The following C2CD2 variants were observed in gnomAD, a reference collection of about 807,000 sequenced individuals.
C2CD2 encodes the protein C2 domain-containing protein 2.
Under a neutral mutation model 74.3 loss-of-function variants are expected in C2CD2, and 43 were observed. That is an observed-to-expected ratio of 0.58 (90% confidence interval 0.45 to 0.75). The LOEUF (loss-of-function observed/expected upper bound fraction) is 0.75, where lower values mean the gene tolerates loss of function less well. C2CD2 is among the 30% of genes least tolerant of loss of function. C2CD2 has a pLI of 0.00. For missense variants in C2CD2, 801 were observed against 916.3 expected, an observed-to-expected ratio of 0.87 and a Z score of 1.63; for synonymous variants, 422 against 390.7, an observed-to-expected ratio of 1.08 and a Z score of -0.94.
rs765770637 is a variant in C2CD2 at position 41,905,785 on chromosome 21, A to T, written c.1371T>A (p.Ser457=). ...IKVKVIEKDI[S]VQAIACRSAP... Reference sequence around the variant, plus strand: ...CGCTGCGGCAGGCGATGGCCTGGACAGAGATGTCCTTCTCGATCACCTTCA... The same window carrying T: ...CGCTGCGGCAGGCGATGGCCTGGACTGAGATGTCCTTCTCGATCACCTTCA... Residue 457 remains serine, a synonymous_variant, in exon 11 of 14, where the codon TCT becomes TCA. Transcript: ENST00000380486. 3.1e-6 allele frequency: 5 copies of T among 1,612,258 alleles called. No individual in the cohort carries two copies. Among genetic ancestry groups the T allele is most frequent in the Admixed American group, 3.3e-5 (2 of 60,002 alleles).
At chr21:41,891,012 ACTCT>A (rs1046175926) in intron 13 of C2CD2, among the ~76,000 whole-genome samples, 12 of 152,074 alleles carry the variant, frequency 7.9e-5, no homozygotes, top group African/African-American at 2.4e-4. Flanking sequence ...TAAAAACTTG[ACTCT>A]CTCAACACAA....
rs1189068565 is a variant in C2CD2, at chr21:41,924,789, T to C, written c.379-2704A>G. ...GCCTTCTCTACTAAGCTAATCAGCA[T>C]TGTACCAAGAAAACAGACTCAGAGC... is the stretch of plus-strand genomic sequence containing the variant. On this transcript the variant is annotated intron_variant, in intron 2 of 13. Transcript: ENST00000380486. The surrounding 1 kb of genome is among the most constrained non-coding windows in gnomAD (Gnocchi z 4.4). Among the ~76,000 whole-genome samples, 8 of 152,188 alleles carry C rather than the reference T, an allele frequency of 5.3e-5. No individual in the cohort carries two copies. Among genetic ancestry groups the C allele is most frequent in the African/African-American group, 1.7e-4 (7 of 41,444 alleles).
intron 2 of C2CD2, among the ~76,000 whole-genome samples, chr21:41,936,589 G>A (rs2065308999): frequency 6.6e-6 from 1 of 152,020 alleles, no homozygotes; most frequent in Admixed American, 6.6e-5. Context: ...CCCACTACTG[G>A]GTATACTGTT....
chr21:41,907,628 G>A, intron 9 of C2CD2, 32 bp downstream of exon 9: 2 of 1,599,748 alleles, frequency 1.3e-6, no homozygotes, highest in Non-Finnish European at 1.7e-6. Flanking sequence ...CCCCAAGCCG[G>A]AACCCGGCCG....
intron 1 of C2CD2, among the ~76,000 whole-genome samples, chr21:41,947,139 T>TCTCTCTCTCC (rs1365076208): frequency 4.1e-5 from 5 of 122,286 alleles, no homozygotes; most frequent in Non-Finnish European, 8.7e-5. Flanking sequence ...TCTCTCTCTC[T>TCTCTCTCTCC]CCCTCCCTCC....
At position 41,922,055 on chromosome 21, in the gene C2CD2, TAGCCTGGCCCACCAC is replaced by T; in HGVS notation, c.394_408del (p.Val132_Ala136del). The T allele has an allele frequency of 6.2e-7, 1 of 1,613,680 alleles. No homozygotes were observed. The highest frequency in any genetic ancestry group is 1.7e-5 in the Admixed American group (1 of 60,014). On this transcript the variant is annotated inframe_deletion, in exon 3 of 14. Coordinates refer to ENST00000380486, the MANE Select transcript of C2CD2 (RefSeq NM_015500.2). Reference sequence around the variant, plus strand: ...GGCGTCTCGCTGACCAAGAACTGAATAGCCTGGCCCACCACGTGACAGACCACCACCTGGAGGAGG... The same window carrying T: ...GGCGTCTCGCTGACCAAGAACTGAATGTGACAGACCACCACCTGGAGGAGG...
chr21:41,919,021 C>T lies in C2CD2; in HGVS notation c.493-61G>A, dbSNP rs557354573. 858 of 1,199,914 alleles carry T rather than the reference C, an allele frequency of 7.2e-4. 2 individuals are homozygous for T. The highest frequency in any genetic ancestry group is 8.2e-4 in the Non-Finnish European group (661 of 809,458). The allele number at this position is 1,199,914 out of a possible 1,614,324, so 74.3% of individuals were successfully genotyped here. On this transcript the variant is annotated intron_variant, in intron 3 of 13. Coordinates refer to ENST00000380486, the MANE Select transcript of C2CD2 (RefSeq NM_015500.2). ...CCACCAAAGCCTTAATGTGCACGTGCGTGTGCATGTGACTGTGTGAGCATG... is the reference window on the plus strand; with the variant it reads ...CCACCAAAGCCTTAATGTGCACGTGTGTGTGCATGTGACTGTGTGAGCATG...
chr21:41,943,469 A>G (rs1165481249), intron 1 of C2CD2, among the ~76,000 whole-genome samples: 1 of 152,154 alleles, frequency 6.6e-6, no homozygotes, highest in Non-Finnish European at 1.5e-5. Flanking sequence ...ACAATCCCAG[A>G]TCGAAACTCT....
intron 6 of C2CD2, among the ~76,000 whole-genome samples, chr21:41,914,163 T>C (rs574633444): frequency 9.0e-4 from 136 of 150,602 alleles, no homozygotes; most frequent in Non-Finnish European, 1.6e-3. Context: ...GAGGTGGAGG[T>C]TGTAGTGAGC....
At chr21:41,946,767 G>A (rs988604103) in intron 1 of C2CD2, among the ~76,000 whole-genome samples, 4 of 152,128 alleles carry the variant, frequency 2.6e-5, no homozygotes, top group Non-Finnish European at 5.9e-5. Flanking sequence ...AACAAGACAC[G>A]CTGACATCAC....
In C2CD2 at chr21:41,907,661, T is replaced by A. The variant is rs1304392857; in HGVS notation, c.1142A>T (p.Glu381Val). 6.2e-7 allele frequency: 1 copy of A among 1,611,018 alleles called. No individual in the cohort carries two copies. The highest frequency in any genetic ancestry group is 8.5e-7 in the Non-Finnish European group (1 of 1,179,464). The part of the protein sequence containing the change: ...GSSVLGSVTA[E>V]FSYMEPGELK... ...CCGCGGCGGACAGCCTCGCCCTACC[T>A]CTGCCGTGACCGAGCCCAGCACCGA... Residue 381 changes from glutamate to valine, a missense_variant and splice_region_variant, in exon 9 of 14, where the codon GAG (glutamate) becomes GTG (valine). Physicochemically the swap from Glu to Val is moderately radical, Grantham distance 121. Transcript: ENST00000380486.
chr21:41,943,058 T>C (rs1426884697), intron 1 of C2CD2: 2 of 449,052 alleles, frequency 4.5e-6, no homozygotes, highest in African/African-American at 4.2e-5. Flanking sequence ...CCCAGTACTT[T>C]GGGAGGCCAA....
At chr21:41,902,915 C>A (rs954610424) in intron 11 of C2CD2, among the ~76,000 whole-genome samples, 2 of 152,156 alleles carry the variant, frequency 1.3e-5, no homozygotes, top group African/African-American at 4.8e-5. Flanking sequence ...GTCAGAGGCA[C>A]CAACCCTGTG....
chr21:41,946,285 T>G (rs2065396907), intron 1 of C2CD2, among the ~76,000 whole-genome samples: 1 of 152,192 alleles, frequency 6.6e-6, no homozygotes, highest in South Asian at 2.1e-4. Flanking sequence ...GGTGACATGA[T>G]GTGGATCTGT....
chr21:41,889,400 G>T, intron 13 of C2CD2, 56 bp from the exon 14 acceptor site: 1 of 1,213,774 alleles, frequency 8.2e-7, no homozygotes, highest in Non-Finnish European at 1.2e-6. Flanking sequence ...GGGGCTGAAT[G>T]ACTGGTCCAA....
chr21:41,891,191 C>A (rs182757778), intron 13 of C2CD2, among the ~76,000 whole-genome samples: 1 of 114,396 alleles, frequency 8.7e-6, no homozygotes, highest in Non-Finnish European at 2.0e-5. Context: ...TGTGCAGGAG[C>A]TTCGGAGACT....
chr21:41,942,022 A>G, intron 2 of C2CD2, 125 bp downstream of exon 2: 1 of 1,280,886 alleles, frequency 7.8e-7, no homozygotes, highest in African/African-American at 1.5e-5. Flanking sequence ...GATGGGCCAG[A>G]TGGTTGTTTT....
chr21:41,945,001 G>A lies in C2CD2; in HGVS notation c.280-2756C>T, dbSNP rs2065387030. On this transcript the variant is annotated intron_variant, in intron 1 of 13. Coordinates refer to ENST00000380486, the MANE Select transcript of C2CD2 (RefSeq NM_015500.2). This position sits in a 1 kb window ranked among gnomAD's most constrained non-coding sequence, Gnocchi z 4.2. ...AACACGGATATAACCTAAGAAGCTT[G>A]GAAAACTGCATCTTGACTGCATATA... 6.6e-6 allele frequency among the ~76,000 whole-genome samples: 1 copy of A among 152,124 alleles called. No homozygotes were observed. The highest frequency in any genetic ancestry group is 1.5e-5 in the Non-Finnish European group (1 of 68,010).
chr21:41,930,744 G>T lies in C2CD2; in HGVS notation c.379-8659C>A, dbSNP rs907560264. On this transcript the variant is annotated intron_variant, in intron 2 of 13. Transcript: ENST00000380486. ...AAAAGAAAGAAAGAAAGAAAATGAG[G>T]GTATTCGGTTACAATATTTCCTAAA... Among the ~76,000 whole-genome samples, 5 of 149,584 alleles carry T rather than the reference G, an allele frequency of 3.3e-5. 1 individual carries two copies. Among genetic ancestry groups the T allele is most frequent in the Non-Finnish European group, 7.5e-5 (5 of 66,714 alleles).
Sources: allele counts gnomAD v4.1 joint callset (sites outside exome capture counted in the v4.1 genomes callset), GRCh38; gene constraint gnomAD v4.1.1; non-coding constraint Gnocchi (gnomAD v3.1); transcripts MANE v1.5; gene names NCBI Gene and HGNC (gene_info 2026-07-23, HGNC 2026-07-21).